Variants in VWA8 observed in about 807,000 individuals in gnomAD.
VWA8 encodes von Willebrand factor A domain-containing protein 8.
In VWA8, 221 loss-of-function variants were observed where a neutral mutation model predicts 241.5. That is an observed-to-expected ratio of 0.91 (90% CI 0.82 to 1.02). VWA8 has a LOEUF of 1.02. Among genes scored for constraint, VWA8 ranks in the 50% least tolerant of loss-of-function variants. The pLI is 0.00. For synonymous variants in VWA8, 852 were observed against 827.1 expected (o/e 1.03, Z -0.52); for missense variants, 2,322 against 2,328.7 (o/e 1.00, Z 0.06).
chr13:41,779,917 G>A (rs572855496), intron 19 of VWA8, among the ~76,000 whole-genome samples: 4 of 152,114 alleles, frequency 2.6e-5, no homozygotes, highest in East Asian at 1.9e-4. Context: ...TAAAGTCACC[G>A]CCAATACAAT....
chr13:41,648,981 C>T (rs947321217), intron 37 of VWA8, among the ~76,000 whole-genome samples: 2 of 152,028 alleles, frequency 1.3e-5, no homozygotes, highest in African/African-American at 2.4e-5. Context: ...GCCAGGAGTT[C>T]GATACCAGCT....
intron 37 of VWA8, among the ~76,000 whole-genome samples, chr13:41,646,300 A>T (rs1337893509): frequency 6.6e-6 from 1 of 152,168 alleles, no homozygotes; most frequent in South Asian, 2.1e-4. Flanking sequence ...GGGTTGAACA[A>T]TGGAACCTAA....
chr13:41,644,465 G>C (rs976209058), intron 37 of VWA8, among the ~76,000 whole-genome samples: 1 of 152,262 alleles, frequency 6.6e-6, no homozygotes, highest in African/African-American at 2.4e-5. Context: ...CAGGGCCACT[G>C]TCTGTGTGGG....
At chr13:41,948,739 C>G (rs1190818921) in intron 2 of VWA8, among the ~76,000 whole-genome samples, 1 of 152,078 alleles carries the variant, frequency 6.6e-6, no homozygotes, top group East Asian at 1.9e-4. Context: ...TAGATTTTTA[C>G]TCAACAGAAG....
At chr13:41,821,521 T>C (rs923392954) in intron 14 of VWA8, among the ~76,000 whole-genome samples, 1 of 152,080 alleles carries the variant, frequency 6.6e-6, no homozygotes, top group Non-Finnish European at 1.5e-5. Flanking sequence ...TCTGATAAAC[T>C]GGTGGGTAAT....
chr13:41,938,364 A>G (rs1312548319), intron 2 of VWA8, among the ~76,000 whole-genome samples: 2 of 152,106 alleles, frequency 1.3e-5, no homozygotes, highest in Non-Finnish European at 2.9e-5. Flanking sequence ...TCTTAAAAAT[A>G]CATCTAGGCC....
At chr13:41,709,125 C>G (rs756173144) in intron 26 of VWA8, among the ~76,000 whole-genome samples, 45 of 152,192 alleles carry the variant, frequency 3.0e-4, no homozygotes, top group Non-Finnish European at 1.2e-4. Context: ...CTCACAAGGA[C>G]TCACGGAATG....
chr13:41,680,002 T>C (rs2045087198), intron 35 of VWA8, among the ~76,000 whole-genome samples: 2 of 152,048 alleles, frequency 1.3e-5, no homozygotes, highest in Non-Finnish European at 1.5e-5. Context: ...AGAAGAGAGT[T>C]TAACTCTTTT....
At chr13:41,576,983 A>G (rs1322069507) in intron 42 of VWA8, among the ~76,000 whole-genome samples, 8 of 152,216 alleles carry the variant, frequency 5.3e-5, no homozygotes, top group Admixed American at 5.2e-4. Context: ...AACAACAGTT[A>G]CCCTCTGCCC....
intron 21 of VWA8, among the ~76,000 whole-genome samples, chr13:41,744,899 G>A (rs895857603): frequency 2.6e-5 from 4 of 151,886 alleles, no homozygotes; most frequent in South Asian, 2.1e-4. Context: ...GTGCAGTGGC[G>A]CAATCTCGGC....
chr13:41,848,503 C>A (rs529179720), intron 12 of VWA8, among the ~76,000 whole-genome samples: 2 of 152,020 alleles, frequency 1.3e-5, no homozygotes, highest in Non-Finnish European at 2.9e-5. Context: ...GGTGGTTTCC[C>A]CTATGCTGTT....
At chr13:41,895,955 A>G (rs906875644) in intron 4 of VWA8, among the ~76,000 whole-genome samples, 3 of 151,754 alleles carry the variant, frequency 2.0e-5, no homozygotes, top group Non-Finnish European at 2.9e-5. Context: ...AGTGGCTTCT[A>G]AATGTCTCTA....
chr13:41,716,992 G>A (rs1450952076), intron 26 of VWA8, among the ~76,000 whole-genome samples: 2 of 151,644 alleles, frequency 1.3e-5, no homozygotes. Context: ...GGCAGGGGTG[G>A]AAAGGGGGAA....
chr13:41,681,582 AAGG>A (rs1386911616), intron 35 of VWA8, among the ~76,000 whole-genome samples: 5 of 152,236 alleles, frequency 3.3e-5, no homozygotes, highest in African/African-American at 1.2e-4. Flanking sequence ...TCAAAAAGTG[AAGG>A]AGATGAGAAC....
Position 41,590,695 on chromosome 13 carries a change from T to C in VWA8, c.5057A>G (p.Asp1686Gly). Residue 1686 changes from aspartate to glycine, a missense_variant, in exon 41 of 45, where the codon GAT (aspartate) becomes GGT (glycine). By Grantham distance (94) the Asp-to-Gly change is moderately conservative. Coordinates refer to ENST00000379310, the MANE Select transcript of VWA8 (RefSeq NM_015058.2). ...TGELDDAKII[D>G]GLTGEKAIYK... Reference sequence around the variant, plus strand: ...GATGGCTTTTTCTCCAGTCAGCCCATCAATGATCTTGGCATCATCTAATTC... The same window carrying C: ...GATGGCTTTTTCTCCAGTCAGCCCACCAATGATCTTGGCATCATCTAATTC... The C allele has an allele frequency of 6.2e-7, 1 of 1,614,138 alleles. No individual in the cohort carries two copies. Among genetic ancestry groups the C allele is most frequent in the Non-Finnish European group, 8.5e-7 (1 of 1,180,022 alleles).
At chr13:41,947,949 AAAAACAAAAC>A (rs1319078728) in intron 2 of VWA8, among the ~76,000 whole-genome samples, 20 of 149,110 alleles carry the variant, frequency 1.3e-4, no homozygotes, top group East Asian at 3.9e-4. Flanking sequence ...AAAAAAAAAA[AAAAACAAAAC>A]AAAACATTTT....
rs1278436373 is a variant in VWA8 at position 41,671,035 on chromosome 13, T to A, written c.4522A>T (p.Ile1508Phe). The A allele has an allele frequency of 2.5e-6, 4 of 1,613,908 alleles. No individual in the cohort carries two copies. Among genetic ancestry groups the A allele is most frequent in the African/African-American group, 2.7e-5 (2 of 74,914 alleles). Residue 1508 changes from isoleucine to phenylalanine, a missense_variant, in exon 37 of 45, where the codon ATC becomes TTC. By Grantham distance (21) the Ile-to-Phe change is conservative. Coordinates refer to ENST00000379310, the MANE Select transcript of VWA8 (RefSeq NM_015058.2). Reference protein sequence around the residue: ...GVVTVDMGGHIRLWETGLERL... With the variant: ...GVVTVDMGGHFRLWETGLERL... Reference sequence around the variant, plus strand: ...TCAAGTCCAGTTTCCCAAAGCCTGATGTGACCTCCCATATCAACAGTAACA... The same window carrying A: ...TCAAGTCCAGTTTCCCAAAGCCTGAAGTGACCTCCCATATCAACAGTAACA...
At chr13:41,684,602 G>A (rs1016466584) in intron 35 of VWA8, among the ~76,000 whole-genome samples, 1 of 152,140 alleles carries the variant, frequency 6.6e-6, no homozygotes, top group Non-Finnish European at 1.5e-5. Context: ...TTTATACAAG[G>A]AAAGGAGATC....
At chr13:41,747,751 C>T (rs888923936) in intron 21 of VWA8, among the ~76,000 whole-genome samples, 3 of 152,164 alleles carry the variant, frequency 2.0e-5, no homozygotes, top group East Asian at 1.9e-4. Context: ...AAATAGCTCT[C>T]ATTATTTTGA....
Sources: gnomAD v4.1 joint callset for allele counts (sites outside exome capture counted in the v4.1 genomes callset) on GRCh38, gnomAD v4.1.1 for gene constraint, MANE v1.5 for transcripts, NCBI Gene and HGNC (gene_info 2026-07-23, HGNC 2026-07-21) for gene names.